ACSS3: variants seen among roughly 807,000 people sequenced by gnomAD.
ACSS3 encodes acyl-CoA synthetase short chain family member 3.
In ACSS3, 64 loss-of-function variants were observed where a neutral mutation model predicts 84.2. That is an observed-to-expected ratio of 0.76 (90% CI 0.62 to 0.94). ACSS3 has a LOEUF of 0.94. Ranked by LOEUF, ACSS3 falls within the 40% of genes least tolerant of loss-of-function variation. ACSS3 has a pLI of 0.00. For synonymous variants in ACSS3, 317 were observed against 310.1 expected (o/e 1.02, Z -0.23); for missense variants, 815 against 867.6 (o/e 0.94, Z 0.76).
chr12:81,114,630 GGTCAGTGCCACTA>G (rs1883887129), intron 2 of ACSS3, among the ~76,000 whole-genome samples: 1 of 151,868 alleles, frequency 6.6e-6, no homozygotes, highest in Non-Finnish European at 1.5e-5. Context: ...TTTATATTAT[GGTCAGTGCCACTA>G]AAAAGTGTGT....
intron 1 of ACSS3, among the ~76,000 whole-genome samples, chr12:81,105,170 T>C (rs957781387): frequency 2.0e-5 from 3 of 152,214 alleles, no homozygotes; most frequent in African/African-American, 4.8e-5. Flanking sequence ...AGTTTGGAAC[T>C]ACCTGACAAG....
chr12:81,106,933 A>G (rs1883054945), intron 1 of ACSS3, among the ~76,000 whole-genome samples: 3 of 152,012 alleles, frequency 2.0e-5, no homozygotes, highest in Admixed American at 2.0e-4. Context: ...ACTGGATGCA[A>G]CATAGTTCCT....
chr12:81,199,189 A>G, intron 8 of ACSS3, 152 bp from the exon 9 acceptor site: 1 of 628,202 alleles, frequency 1.6e-6, no homozygotes, highest in Non-Finnish European at 2.6e-6. Context: ...CAAACAAGAA[A>G]TGACTCTCAT....
chr12:81,254,077 A>G (rs1033417644), intron 15 of ACSS3, among the ~76,000 whole-genome samples: 2 of 152,014 alleles, frequency 1.3e-5, no homozygotes, highest in Non-Finnish European at 2.9e-5. Context: ...GGTGCATGCA[A>G]CTGTGCCTGG....
At chr12:81,178,674 T>C (rs963478684) in intron 8 of ACSS3, among the ~76,000 whole-genome samples, 15 of 152,148 alleles carry the variant, frequency 9.9e-5, no homozygotes, top group Non-Finnish European at 2.2e-4. Context: ...AAGCATTCCA[T>C]GCTCATGATT....
chr12:81,125,258 C>T (rs1885001779), intron 2 of ACSS3, among the ~76,000 whole-genome samples: 1 of 152,010 alleles, frequency 6.6e-6, no homozygotes, highest in African/African-American at 2.4e-5. Flanking sequence ...ATAAATGTTT[C>T]TACTACTAGC....
intron 13 of ACSS3, among the ~76,000 whole-genome samples, chr12:81,242,038 T>A (rs2033823802): frequency 1.3e-5 from 2 of 152,132 alleles, no homozygotes; most frequent in South Asian, 4.1e-4. Context: ...GGGATCCAGT[T>A]TCAGCTTTCT....
chr12:81,175,856 T>C (rs2030432713), intron 8 of ACSS3, among the ~76,000 whole-genome samples: 1 of 152,146 alleles, frequency 6.6e-6, no homozygotes, highest in South Asian at 2.1e-4. Context: ...ACTAATGTAG[T>C]GATAAGAGGA....
chr12:81,084,336 A>G (rs1163000346), intron 1 of ACSS3, among the ~76,000 whole-genome samples: 1 of 152,240 alleles, frequency 6.6e-6, no homozygotes, highest in African/African-American at 2.4e-5. Flanking sequence ...AAATAATGTG[A>G]CTAATGAACT....
At chr12:81,230,987 T>C in intron 11 of ACSS3, 70 bp from the exon 12 acceptor site, 1 of 1,162,440 alleles carries the variant, frequency 8.6e-7, no homozygotes, top group Admixed American at 2.0e-5. Flanking sequence ...AGTAGAAAAA[T>C]AATAGTTCTA....
intron 5 of ACSS3, among the ~76,000 whole-genome samples, chr12:81,148,843 C>T (rs1428232789): frequency 1.4e-5 from 2 of 142,174 alleles, no homozygotes; most frequent in Non-Finnish European, 3.0e-5. Flanking sequence ...GGGCAGATCA[C>T]GAGGTCTGGA....
At chr12:81,190,093 T>C (rs2031488541) in intron 8 of ACSS3, among the ~76,000 whole-genome samples, 1 of 152,178 alleles carries the variant, frequency 6.6e-6, no homozygotes, top group Non-Finnish European at 1.5e-5. Flanking sequence ...GATCTTTATC[T>C]ACTATTAATA....
chr12:81,241,449 T>C (rs1210930749), intron 13 of ACSS3, among the ~76,000 whole-genome samples: 2 of 152,048 alleles, frequency 1.3e-5, no homozygotes, highest in South Asian at 2.1e-4. Flanking sequence ...TACAGTCCCA[T>C]CAACAGTGTA....
At chr12:81,164,643 CT>C (rs1887315830) in intron 7 of ACSS3, among the ~76,000 whole-genome samples, 1 of 152,118 alleles carries the variant, frequency 6.6e-6, no homozygotes, top group Non-Finnish European at 1.5e-5. Flanking sequence ...TTCCCTGTAT[CT>C]GTAATCTCCA....
chr12:81,116,529 C>A (rs1884059335), intron 2 of ACSS3, among the ~76,000 whole-genome samples: 1 of 152,066 alleles, frequency 6.6e-6, no homozygotes, highest in African/African-American at 2.4e-5. Context: ...CCCTCCATAC[C>A]AGAAACTATT....
At chr12:81,179,640 G>A (rs546123834) in intron 8 of ACSS3, among the ~76,000 whole-genome samples, 10 of 152,010 alleles carry the variant, frequency 6.6e-5, no homozygotes, top group African/African-American at 1.9e-4. Flanking sequence ...CGTGGTGGTG[G>A]GTGCCTGTAA....
intron 9 of ACSS3, among the ~76,000 whole-genome samples, chr12:81,203,095 T>C (rs980622131): frequency 1.2e-4 from 19 of 152,152 alleles, no homozygotes; most frequent in Admixed American, 1.1e-3. Flanking sequence ...ATGTCACTCT[T>C]AGTTTAAGAC....
Position 81,174,774 on chromosome 12 carries a change from G to A in ACSS3, c.1099-14G>A, listed in dbSNP as rs369700597. ...CATTTTATCCAGTGACATTTTAAAT[G>A]AATCTCATTGTAGGGGAAGCCTGTG... On this transcript the variant is annotated splice_polypyrimidine_tract_variant and intron_variant, in intron 7 of 15. Coordinates refer to ENST00000548058, the MANE Select transcript of ACSS3 (RefSeq NM_024560.4). 3.2e-5 allele frequency: 51 copies of A among 1,606,824 alleles called. No homozygotes were observed. The African/African-American group carries it at 5.6e-4, about 18-fold the overall frequency.
chr12:81,107,228 G>C (rs1883090012), intron 1 of ACSS3, among the ~76,000 whole-genome samples: 1 of 151,888 alleles, frequency 6.6e-6, no homozygotes, highest in African/African-American at 2.4e-5. Flanking sequence ...GCCAATAAAA[G>C]ATGAAGCAGA....
Sources: allele counts gnomAD v4.1 joint callset (sites outside exome capture counted in the v4.1 genomes callset), GRCh38; gene constraint gnomAD v4.1.1; transcripts MANE v1.5; gene names NCBI Gene and HGNC (gene_info 2026-07-23, HGNC 2026-07-21).